GNL1: variants seen among roughly 807,000 people sequenced by gnomAD.
The protein encoded by GNL1 is G protein nucleolar 1, also known as guanine nucleotide-binding protein-like 1.
In GNL1, 21 loss-of-function variants were observed where a neutral mutation model predicts 75.2. The ratio of observed to expected loss-of-function variants is 0.28; its 90% CI spans 0.20 to 0.40. The LOEUF (loss-of-function observed/expected upper bound fraction) is 0.40, where lower values mean the gene tolerates loss of function less well. Among genes scored for constraint, GNL1 ranks in the 10% least tolerant of loss-of-function variants. The probability of loss-of-function intolerance (pLI) is 1.00; values close to 1 mark genes in which losing one functional copy is unlikely to be tolerated. For missense variants in GNL1, 579 were observed against 775.0 expected, an observed-to-expected ratio of 0.75 and a Z score of 3.00; for synonymous variants, 287 against 303.4, an observed-to-expected ratio of 0.95 and a Z score of 0.56.
rs144975522 is a variant in GNL1 at position 30,556,141 on chromosome 6, C to T, written c.63G>A (p.Glu21=). 4.4e-6 allele frequency: 7 copies of T among 1,603,546 alleles called. No individual in the cohort carries two copies. The Admixed American group carries it at 6.7e-5, about 15-fold the overall frequency. Residue 21 remains glutamate (E), a synonymous_variant, in exon 1 of 12, where the codon GAG becomes GAA. Transcript: ENST00000376621. This position sits in a 1 kb window ranked among gnomAD's most constrained non-coding sequence, Gnocchi z 5.7. ...CGCTCCCGCACTGACCTCTCTTCCG[C>T]TCCCGTTTGTCCTGCAACTGCTTCT... ...QKKKQLQDKR[E]RKRGLQDGLR...
chr6:30,544,541 G>A lies in GNL1; in HGVS notation c.*1531C>T, dbSNP rs1018022898. On this transcript the variant is annotated 3_prime_UTR_variant, in exon 12 of 12. Transcript: ENST00000376621. ...GCCAAAGAGCCCCAGATGGGAGACA[G>A]GTGGATTTTTCTCTCAGCTGGGACC... The A allele has an allele frequency of 2.0e-5, 3 of 152,180 alleles. No individual in the cohort carries two copies. The highest frequency in any genetic ancestry group is 6.5e-5 in the Admixed American group (1 of 15,282). 9.4% of individuals were successfully genotyped at this position (152,180 alleles called of 1,614,324 possible).
Position 30,546,525 on chromosome 6 carries a change from A to C in GNL1, c.1582+171T>G. On this transcript the variant is annotated intron_variant, in intron 11 of 11. Coordinates refer to ENST00000376621, the MANE Select transcript of GNL1 (RefSeq NM_005275.5). The surrounding 1 kb of genome is among the most constrained non-coding windows in gnomAD (Gnocchi z 5.1). ...TTCAATCTTTACAATCACTATGCTA[A>C]GGGTCAATTATTACCCTCAGTTTGC... The C allele has an allele frequency of 1.4e-6, 1 of 694,832 alleles. No individual in the cohort carries two copies. The highest frequency in any genetic ancestry group is 1.8e-5 in the South Asian group (1 of 55,454). The allele number at this position is 694,832 out of a possible 1,614,324, so 43.0% of individuals were successfully genotyped here. A position where few individuals can be genotyped will look rare whatever the true frequency, so the allele number is the denominator to read the frequency against.
chr6:30,552,216 G>C lies in GNL1; in HGVS notation c.1099+251C>G. On this transcript the variant is annotated intron_variant, in intron 8 of 11. Coordinates refer to ENST00000376621, the MANE Select transcript of GNL1 (RefSeq NM_005275.5). The surrounding 1 kb of genome is among the most constrained non-coding windows in gnomAD (Gnocchi z 4.5). ...CAATGTCCTTATTTTTAAAATCAAA[G>C]TAACTAAGACTCAGAGTAGCAAAAT... 2.1e-6 allele frequency: 1 copy of C among 467,054 alleles called. No individual in the cohort carries two copies. 28.9% of individuals were successfully genotyped at this position (467,054 alleles called of 1,614,324 possible).
In GNL1 at chr6:30,556,424, A is replaced by C; in HGVS notation, c.-221T>G. 1.7e-6 allele frequency: 1 copy of C among 595,612 alleles called. No individual in the cohort carries two copies. The highest frequency in any genetic ancestry group is 3.0e-6 in the Non-Finnish European group (1 of 337,562). 36.9% of individuals were successfully genotyped at this position (595,612 alleles called of 1,614,324 possible). On this transcript the variant is annotated 5_prime_UTR_variant, in exon 1 of 12. Transcript: ENST00000376621. The surrounding 1 kb of genome is among the most constrained non-coding windows in gnomAD (Gnocchi z 5.7). ...CCTCCAGGAGCGAGGCGAGAGGATGATGCGGGGTGGGCTACTGGCACGTGA... is the reference window on the plus strand; with the variant it reads ...CCTCCAGGAGCGAGGCGAGAGGATGCTGCGGGGTGGGCTACTGGCACGTGA...
At chr6:30,549,684 G>A (rs1056913859) in intron 8 of GNL1, among the ~76,000 whole-genome samples, 5 of 151,996 alleles carry the variant, frequency 3.3e-5, no homozygotes, top group Admixed American at 6.6e-5. Context: ...TTCTTCATTT[G>A]ACTTCTGGGA....
Position 30,543,321 on chromosome 6 carries a change from T to TACC in GNL1, c.*2748_*2750dup, listed in dbSNP as rs1352563445. 6.6e-6 allele frequency: 1 copy of TACC among 152,184 alleles called. No homozygotes were observed. Among genetic ancestry groups the TACC allele is most frequent in the Non-Finnish European group, 1.5e-5 (1 of 68,008 alleles). The allele number at this position is 152,184 out of a possible 1,614,324, so 9.4% of individuals were successfully genotyped here. A position where few individuals can be genotyped will look rare whatever the true frequency, so the allele number is the denominator to read the frequency against. On this transcript the variant is annotated 3_prime_UTR_variant, in exon 12 of 12. Coordinates refer to ENST00000376621, the MANE Select transcript of GNL1 (RefSeq NM_005275.5). ...GCCACCACTACCCCACAGGATCCTG[T>TACC]ACCACCCTTCTCCCAGAACTTATCA...
chr6:30,552,486 C>G lies in GNL1; in HGVS notation c.1080G>C (p.Val360=). The stretch of plus-strand genomic sequence containing the variant: ...CCTTACCCACACAGCCGATGGTCAC[C>G]ACCCCATCCTTGTAGCGCTCTTGGG... The part of the protein sequence containing the change: ...GPTQERYKDG[V]VTIGCVGFPN... Residue 360 remains valine (V), a synonymous_variant, in exon 8 of 12, where the codon GTG becomes GTC. Coordinates refer to ENST00000376621, the MANE Select transcript of GNL1 (RefSeq NM_005275.5). The surrounding 1 kb of genome is among the most constrained non-coding windows in gnomAD (Gnocchi z 4.5). The G allele has an allele frequency of 6.2e-7, 1 of 1,613,402 alleles. No homozygotes were observed. Among genetic ancestry groups the G allele is most frequent in the East Asian group, 2.2e-5 (1 of 44,898 alleles).
At position 30,556,133 on chromosome 6, in the gene GNL1, C is replaced by T; in HGVS notation, c.71G>A (p.Arg24Lys). The change falls in exon 1 of 12, where the codon AGA becomes AAA. Residue 24 changes from arginine (R) to lysine (K), a missense_variant and splice_region_variant. By Grantham distance (26) the Arg-to-Lys change is conservative (BLOSUM62 2). Transcript: ENST00000376621. The surrounding 1 kb of genome is among the most constrained non-coding windows in gnomAD (Gnocchi z 5.7). ...CCTCCTCCCGCTCCCGCACTGACCT[C>T]TCTTCCGCTCCCGTTTGTCCTGCAA... ...KQLQDKRERK[R>K]GLQDGLRSSS... 6.2e-7 allele frequency: 1 copy of T among 1,602,430 alleles called. No individual in the cohort carries two copies. The highest frequency in any genetic ancestry group is 8.5e-7 in the Non-Finnish European group (1 of 1,177,750).
Position 30,556,292 on chromosome 6 carries a change from C to T in GNL1, c.-89G>A, listed in dbSNP as rs1800186407. 10 of 1,505,174 alleles carry T rather than the reference C, an allele frequency of 6.6e-6. No individual in the cohort carries two copies. The highest frequency in any genetic ancestry group is 9.1e-6 in the Non-Finnish European group (10 of 1,099,952). 93.2% of individuals were successfully genotyped at this position (1,505,174 alleles called of 1,614,324 possible). Reference sequence around the variant, plus strand: ...CGGGGCAGCCCCCGCCGCAGGGGCCCGGGACCCTAGAGGAGGCGGGGCTAG... The same window carrying T: ...CGGGGCAGCCCCCGCCGCAGGGGCCTGGGACCCTAGAGGAGGCGGGGCTAG... On this transcript the variant is annotated 5_prime_UTR_variant, in exon 1 of 12. Transcript: ENST00000376621. This position sits in a 1 kb window ranked among gnomAD's most constrained non-coding sequence, Gnocchi z 5.7.
In GNL1 at chr6:30,556,097, G is replaced by T; in HGVS notation, c.73+34C>A. The T allele has an allele frequency of 6.3e-7, 1 of 1,595,484 alleles. No individual in the cohort carries two copies. ...CCTCCTTCCAGATGTGCGGAAGCCC[G>T]AGCCCCGCCCCCTCCTCCCGCTCCC... On this transcript the variant is annotated intron_variant, in intron 1 of 11. Transcript: ENST00000376621. This position sits in a 1 kb window ranked among gnomAD's most constrained non-coding sequence, Gnocchi z 5.7.
rs150096747 is a variant in GNL1 at position 30,543,813 on chromosome 6, A to G, written c.*2259T>C. The stretch of plus-strand genomic sequence containing the variant: ...TACCCTGTTCCAGAAGCAGGACTAT[A>G]ATCCCATCTGGAAAAAGGGAAACTT... On this transcript the variant is annotated 3_prime_UTR_variant, in exon 12 of 12. Transcript: ENST00000376621. 3.3e-5 allele frequency: 5 copies of G among 152,322 alleles called. No homozygotes were observed. The highest frequency in any genetic ancestry group is 1.2e-4 in the African/African-American group (5 of 41,566). 9.4% of individuals were successfully genotyped at this position (152,322 alleles called of 1,614,324 possible). A position where few individuals can be genotyped will look rare whatever the true frequency, so the allele number is the denominator to read the frequency against.
In GNL1 at chr6:30,555,918, G is replaced by C. The variant is rs572553558; in HGVS notation, c.74-198C>G. Reference sequence around the variant, plus strand: ...GGGAGCAGTGGGGACGGCGCCCCGTGCTAGCTGGAGGGATTCCCCTCCCCC... The same window carrying C: ...GGGAGCAGTGGGGACGGCGCCCCGTCCTAGCTGGAGGGATTCCCCTCCCCC... On this transcript the variant is annotated intron_variant, in intron 1 of 11. Transcript: ENST00000376621. The surrounding 1 kb of genome is among the most constrained non-coding windows in gnomAD (Gnocchi z 4.3). 5.1e-6 allele frequency: 4 copies of C among 789,674 alleles called. No homozygotes were observed. Among genetic ancestry groups the C allele is most frequent in the Non-Finnish European group, 8.1e-6 (4 of 495,374 alleles). The allele number at this position is 789,674 out of a possible 1,614,324, so 48.9% of individuals were successfully genotyped here.
At chr6:30,551,118 A>G (rs958377101) in intron 8 of GNL1, among the ~76,000 whole-genome samples, 2 of 152,198 alleles carry the variant, frequency 1.3e-5, no homozygotes. Context: ...TTAAGTGTTC[A>G]GTACATATTT....
chr6:30,546,509 T>C lies in GNL1; in HGVS notation c.1582+187A>G, dbSNP rs1799462866. ...CTTTGTGCACATCAACTTCAATCTTTACAATCACTATGCTAAGGGTCAATT... is the reference window on the plus strand; with the variant it reads ...CTTTGTGCACATCAACTTCAATCTTCACAATCACTATGCTAAGGGTCAATT... On this transcript the variant is annotated intron_variant, in intron 11 of 11. Coordinates refer to ENST00000376621, the MANE Select transcript of GNL1 (RefSeq NM_005275.5). The surrounding 1 kb of genome is among the most constrained non-coding windows in gnomAD (Gnocchi z 5.1). The C allele has an allele frequency of 1.5e-6, 1 of 673,598 alleles. No individual in the cohort carries two copies. The highest frequency in any genetic ancestry group is 1.8e-5 in the African/African-American group (1 of 55,190). The allele number at this position is 673,598 out of a possible 1,614,324, so 41.7% of individuals were successfully genotyped here. A position where few individuals can be genotyped will look rare whatever the true frequency, so the allele number is the denominator to read the frequency against.
At chr6:30,554,681 C>T in intron 4 of GNL1, 35 bp from the exon 5 acceptor site, 1 of 1,592,012 alleles carries the variant, frequency 6.3e-7, no homozygotes, top group South Asian at 1.1e-5. Context: ...AAACTGAAAA[C>T]AGAGTCCCTC....
In GNL1 at chr6:30,555,823, C is replaced by A. The variant is rs971748411; in HGVS notation, c.74-103G>T. 8.1e-7 allele frequency: 1 copy of A among 1,227,890 alleles called. No homozygotes were observed. Among genetic ancestry groups the A allele is most frequent in the African/African-American group, 1.5e-5 (1 of 67,068 alleles). The allele number at this position is 1,227,890 out of a possible 1,614,324, so 76.1% of individuals were successfully genotyped here. A position where few individuals can be genotyped will look rare whatever the true frequency, so the allele number is the denominator to read the frequency against. ...CCCTTTCATCCCACTCAACTTCTTC[C>A]GATGTTCAGTCCTCCCAGACACCCT... On this transcript the variant is annotated intron_variant, in intron 1 of 11. Coordinates refer to ENST00000376621, the MANE Select transcript of GNL1 (RefSeq NM_005275.5). This position sits in a 1 kb window ranked among gnomAD's most constrained non-coding sequence, Gnocchi z 4.3.
chr6:30,547,995 G>A lies in GNL1; in HGVS notation c.1100-465C>T, dbSNP rs528238214. 2.0e-5 allele frequency among the ~76,000 whole-genome samples: 3 copies of A among 152,194 alleles called. No homozygotes were observed. The East Asian group carries it at 5.8e-4, about 29-fold the overall frequency. ...CTTCAAGACCAGCCTGGCCAACATG[G>A]TGAAACCCCATCTCTACTAAAAATA... On this transcript the variant is annotated intron_variant, in intron 8 of 11. Transcript: ENST00000376621. This position sits in a 1 kb window ranked among gnomAD's most constrained non-coding sequence, Gnocchi z 5.5.
intron 5 of GNL1, among the ~76,000 whole-genome samples, chr6:30,553,801 G>A (rs1386878159): frequency 6.6e-6 from 1 of 152,214 alleles, no homozygotes; most frequent in Non-Finnish European, 1.5e-5. Context: ...AACAAGACAA[G>A]GAAACAGCAT....
In GNL1 at chr6:30,547,163, C is replaced by A. The variant is rs1375917716; in HGVS notation, c.1390G>T (p.Ala464Ser). The change falls in exon 10 of 12, where the codon GCT (alanine) becomes TCT (serine). Residue 464 changes from alanine (A) to serine (S), a missense_variant. Ala to Ser is a moderately conservative substitution (Grantham distance 99). Transcript: ENST00000376621. The surrounding 1 kb of genome is among the most constrained non-coding windows in gnomAD (Gnocchi z 5.5). ...GGGTGTTCCGCTGAGGGGTCCTCAG[C>A]CTCTGGGTGGCGCAGGTGGAGCAGG... ...QALLHLRHPE[A>S]EDPSAEHPWC... 6.2e-7 allele frequency: 1 copy of A among 1,613,232 alleles called. No homozygotes were observed. The highest frequency in any genetic ancestry group is 2.2e-5 in the East Asian group (1 of 44,886).
Sources: allele counts gnomAD v4.1 joint callset (sites outside exome capture counted in the v4.1 genomes callset), GRCh38; gene constraint gnomAD v4.1.1; non-coding constraint Gnocchi (gnomAD v3.1); transcripts MANE v1.5; gene names NCBI Gene and HGNC (gene_info 2026-07-23, HGNC 2026-07-21).